PRR16: variants seen among roughly 807,000 people sequenced by gnomAD.
PRR16 encodes proline rich 16.
PRR16 carries 6 observed loss-of-function variants against 18.2 expected under a neutral mutation model. The ratio of observed to expected loss-of-function variants is 0.33; its 90% CI spans 0.18 to 0.65. PRR16 has a LOEUF of 0.65. PRR16 is among the 30% of genes least tolerant of loss of function. The pLI is 0.74. For synonymous variants in PRR16, 151 were observed against 147.8 expected, an observed-to-expected ratio of 1.02 and a Z score of -0.16; for missense variants, 412 against 376.6, an observed-to-expected ratio of 1.09 and a Z score of -0.78.
the PRR16 span, among the ~76,000 whole-genome samples, chr5:120,760,565 G>A: frequency 6.6e-6 from 1 of 152,168 alleles, no homozygotes; most frequent in East Asian, 1.9e-4. Context: ...TGAGCCTGGT[G>A]CTTCTTTCAT....
the PRR16 span, among the ~76,000 whole-genome samples, chr5:120,743,935 A>G: frequency 1.3e-5 from 2 of 152,032 alleles, no homozygotes; most frequent in Admixed American, 6.6e-5. Context: ...AATATATGTA[A>G]TAATTCAGTA....
chr5:120,493,838 T>A (rs1750150577), intron 1 of PRR16, among the ~76,000 whole-genome samples: 1 of 152,160 alleles, frequency 6.6e-6, no homozygotes, highest in Non-Finnish European at 1.5e-5. Context: ...CTCTGGAGAT[T>A]CATGCAGGTT....
At chr5:120,487,912 G>GT (rs1369709382) in intron 1 of PRR16, among the ~76,000 whole-genome samples, 1 of 152,076 alleles carries the variant, frequency 6.6e-6, no homozygotes. Flanking sequence ...TAATCATGCG[G>GT]TTTTTGTCTT....
At chr5:120,772,268 C>T in the PRR16 span, among the ~76,000 whole-genome samples, 2 of 152,016 alleles carry the variant, frequency 1.3e-5, no homozygotes, top group Non-Finnish European at 2.9e-5. Flanking sequence ...ATCTGAGAAG[C>T]GTTTTTCTGC....
intron 1 of PRR16, among the ~76,000 whole-genome samples, chr5:120,505,461 C>T (rs1003218307): frequency 4.6e-5 from 7 of 152,110 alleles, no homozygotes; most frequent in Non-Finnish European, 1.0e-4. Context: ...CCTTTGTACC[C>T]CACTTTATAC....
chr5:120,499,723 C>A (rs990623725), intron 1 of PRR16, among the ~76,000 whole-genome samples: 1 of 149,894 alleles, frequency 6.7e-6, no homozygotes, highest in Non-Finnish European at 1.5e-5. Context: ...GCTTTAAAAC[C>A]TTTGACACCT....
chr5:120,654,230 G>C (rs1014045443), intron 1 of PRR16, among the ~76,000 whole-genome samples: 1 of 151,954 alleles, frequency 6.6e-6, no homozygotes, highest in South Asian at 2.1e-4. Flanking sequence ...GTTAGAAGAC[G>C]CAAATTGAAT....
intron 1 of PRR16, among the ~76,000 whole-genome samples, chr5:120,619,340 A>G (rs1754614014): frequency 6.6e-6 from 1 of 152,174 alleles, no homozygotes; most frequent in Admixed American, 6.5e-5. Flanking sequence ...TGACTGTTGA[A>G]GTAATTATAA....
chr5:120,745,516 G>GAAC, the PRR16 span, among the ~76,000 whole-genome samples: 11 of 152,074 alleles, frequency 7.2e-5, no homozygotes, highest in South Asian at 2.3e-3. Context: ...GTTAGGAATT[G>GAAC]CGTGAAGCAT....
chr5:120,765,630 G>T, the PRR16 span, among the ~76,000 whole-genome samples: 1 of 151,578 alleles, frequency 6.6e-6, no homozygotes, highest in African/African-American at 2.4e-5. Flanking sequence ...TTATTGAATT[G>T]CAATATGTAT....
intron 1 of PRR16, chr5:120,657,939 C>G (rs889876138): frequency 4.0e-5 from 6 of 151,884 alleles, no homozygotes; most frequent in Admixed American, 2.0e-4. Context: ...TTTTCTAATG[C>G]TATCCCAACA....
chr5:120,716,863 C>T, the PRR16 span, among the ~76,000 whole-genome samples: 12 of 152,156 alleles, frequency 7.9e-5, no homozygotes, highest in East Asian at 1.4e-3. Flanking sequence ...CAGAGCAAGA[C>T]TCCATCTCAA....
chr5:120,485,695 A>T (rs1007053955), intron 1 of PRR16, among the ~76,000 whole-genome samples: 1 of 152,146 alleles, frequency 6.6e-6, no homozygotes, highest in Non-Finnish European at 1.5e-5. Flanking sequence ...CATGTGCACA[A>T]CGTGCAGGTT....
At chr5:120,592,168 C>A (rs145133273) in intron 1 of PRR16, among the ~76,000 whole-genome samples, 50 of 152,282 alleles carry the variant, frequency 3.3e-4, no homozygotes, top group African/African-American at 1.2e-3. Flanking sequence ...TACTACCCTT[C>A]CATAAATTTT....
chr5:120,466,595 T>A (rs1447829185), intron 1 of PRR16, among the ~76,000 whole-genome samples: 1 of 152,176 alleles, frequency 6.6e-6, no homozygotes, highest in Non-Finnish European at 1.5e-5. Context: ...AGTAGTGAAA[T>A]CTTCAACCTC....
chr5:120,563,238 C>T (rs1309768743), intron 1 of PRR16, among the ~76,000 whole-genome samples: 1 of 152,178 alleles, frequency 6.6e-6, no homozygotes, highest in African/African-American at 2.4e-5. Flanking sequence ...GCTGTAACCA[C>T]TATCTGCTAC....
the PRR16 span, among the ~76,000 whole-genome samples, chr5:120,773,616 A>G: frequency 6.6e-6 from 1 of 151,858 alleles, no homozygotes; most frequent in African/African-American, 2.4e-5. Flanking sequence ...CTACTTAACT[A>G]AAAATTAGGT....
At chr5:120,668,550 T>G (rs550428692) in intron 1 of PRR16, among the ~76,000 whole-genome samples, 1 of 152,146 alleles carries the variant, frequency 6.6e-6, no homozygotes, top group Non-Finnish European at 1.5e-5. Flanking sequence ...TTCCTAGTCT[T>G]GATGGTCTTT....
At chr5:120,758,156 T>C in the PRR16 span, among the ~76,000 whole-genome samples, 1 of 152,186 alleles carries the variant, frequency 6.6e-6, no homozygotes, top group Non-Finnish European at 1.5e-5. Context: ...GTAACTTATT[T>C]GGAATCAAAT....
Sources: allele counts gnomAD v4.1 joint callset (sites outside exome capture counted in the v4.1 genomes callset), GRCh38; gene constraint gnomAD v4.1.1; transcripts MANE v1.5; gene names NCBI Gene and HGNC (gene_info 2026-07-23, HGNC 2026-07-21).